The following SLC26A6 variants were observed in gnomAD, a reference collection of about 807,000 sequenced individuals.
The protein encoded by SLC26A6 is solute carrier family 26 member 6, also known as anion exchange transporter.
A neutral mutation model predicts 87.1 loss-of-function variants in SLC26A6; 67 were observed. The ratio of observed to expected loss-of-function variants is 0.77; its 90% confidence interval spans 0.63 to 0.94. The LOEUF is 0.94. SLC26A6 is among the 40% of genes least tolerant of loss of function. The pLI, the probability that SLC26A6 is intolerant of heterozygous loss-of-function variation, is 0.00. For synonymous variants in SLC26A6, 414 were observed against 405.9 expected (o/e 1.02, Z -0.24); for missense variants, 902 against 973.0 (o/e 0.93, Z 0.97).
At chr3:48,629,497 TA>T in intron 14 of SLC26A6, 144 bp downstream of exon 14, 1 of 859,778 alleles carries the variant, frequency 1.2e-6, no homozygotes, top group Non-Finnish European at 1.8e-6. Context: ...GTCATAGACC[TA>T]AACTCCTCCC....
At chr3:48,635,287 G>C (rs2046924901) in intron 1 of SLC26A6, 84 bp downstream of exon 1, 8 of 1,245,326 alleles carry the variant, frequency 6.4e-6, no homozygotes, top group Non-Finnish European at 8.6e-6. Context: ...GAGAATGCCT[G>C]CTCCAGCGAG....
chr3:48,631,524 C>A (rs1309641319), intron 7 of SLC26A6, 125 bp downstream of exon 7: 2 of 1,317,172 alleles, frequency 1.5e-6, no homozygotes. Context: ...CTGTGCCCCC[C>A]ACAATACCCA....
chr3:48,626,737 G>T, intron 18 of SLC26A6, 52 bp from the exon 19 acceptor site: 5 of 1,612,870 alleles, frequency 3.1e-6, no homozygotes, highest in Non-Finnish European at 3.4e-6. Context: ...GACTCAGAGG[G>T]GGGCTCGGGC....
Position 48,635,434 on chromosome 3 carries a change from A to T in SLC26A6, c.-41T>A, listed in dbSNP as rs2046930572. 6.4e-7 allele frequency: 1 copy of T among 1,562,452 alleles called. No individual in the cohort carries two copies. Among genetic ancestry groups the T allele is most frequent in the Non-Finnish European group, 8.7e-7 (1 of 1,155,406 alleles). ...CGGTGCGGGCTGCTCCTGCTGCTCG[A>T]GCTAGAGGCCGCTACGCTCCGGAAG... On this transcript the variant is annotated 5_prime_UTR_variant, in exon 1 of 21. Coordinates refer to ENST00000395550, the MANE Select transcript of SLC26A6 (RefSeq NM_022911.3).
chr3:48,630,936 CG>C (rs2046770248), intron 9 of SLC26A6, 56 bp downstream of exon 9: 6 of 1,597,430 alleles, frequency 3.8e-6, no homozygotes, highest in Non-Finnish European at 4.3e-6. Context: ...CTCCCCCACC[CG>C]TTGCTGGCGC....
intron 20 of SLC26A6, 63 bp downstream of exon 20, chr3:48,626,155 G>T: frequency 6.2e-7 from 1 of 1,612,032 alleles, no homozygotes. Context: ...TGGAGCTGGG[G>T]CCAGGGTGGG....
intron 19 of SLC26A6, 52 bp from the exon 20 acceptor site, chr3:48,626,406 A>G (rs748273110): frequency 5.0e-6 from 8 of 1,611,230 alleles, no homozygotes; most frequent in African/African-American, 1.3e-5. Context: ...TAGGAACTCA[A>G]CTCCCGGGAG....
Position 48,628,372 on chromosome 3 carries a change from G to T in SLC26A6, c.1800+62C>A. 3 of 1,602,048 alleles carry T rather than the reference G, an allele frequency of 1.9e-6. No individual in the cohort carries two copies. The highest frequency in any genetic ancestry group is 2.6e-6 in the Non-Finnish European group (3 of 1,173,548). ...ACGAGGGAGGAGTCGGGGGCCAGGA[G>T]AAAGGCTGGGGCAGGGAACAGGGGG... On this transcript the variant is annotated intron_variant, in intron 16 of 20. Transcript: ENST00000395550. The surrounding 1 kb of genome is among the most constrained non-coding windows in gnomAD (Gnocchi z 4.4).
chr3:48,629,615 C>A, intron 14 of SLC26A6, 27 bp downstream of exon 14: 1 of 1,586,774 alleles, frequency 6.3e-7, no homozygotes, highest in Non-Finnish European at 8.6e-7. Context: ...CCCATCCACA[C>A]CATCTCACTC....
Position 48,629,707 on chromosome 3 carries a change from G to A in SLC26A6, c.1534C>T (p.His512Tyr), listed in dbSNP as rs752068711. The A allele has an allele frequency of 1.9e-6, 3 of 1,613,480 alleles. No individual in the cohort carries two copies. In the Admixed American group the frequency reaches 5.0e-5, roughly 27 times the overall value. ...LLVVVRTQMP[H>Y]YSVLGQVPDT... ...GGCACCTGCCCCAGGACAGAGTAGT[G>A]GGGCCTGTGAAGGAGAGAGAGAATG... The change falls in exon 14 of 21, where the codon CAC (histidine) becomes TAC (tyrosine). Residue 512 changes from histidine (H) to tyrosine (Y), a missense_variant. Around this residue, in one of 3 missense-constraint regions of SLC26A6, gnomAD observed 800 missense variants for 856.8 expected, o/e 0.93. Coordinates refer to ENST00000395550, the MANE Select transcript of SLC26A6 (RefSeq NM_022911.3).
chr3:48,627,424 C>T, intron 17 of SLC26A6: 1 of 240,742 alleles, frequency 4.2e-6, no homozygotes, highest in Non-Finnish European at 8.0e-6. Context: ...CGGCACCCTG[C>T]CCTGTCTCAG....
In SLC26A6 at chr3:48,631,269, A is replaced by T; in HGVS notation, c.941T>A (p.Leu314Gln). Residue 314 changes from leucine to glutamine, a missense_variant, in exon 8 of 21, where the codon CTA (leucine) becomes CAA (glutamine). This residue lies in a region of SLC26A6 where 800 missense variants were observed against 856.8 expected (regional missense o/e 0.93). Transcript: ENST00000395550. ...GATGISYGMG[L>Q]KHRFEVDVVG... The stretch of plus-strand genomic sequence containing the variant: ...GACATCTACCTCAAATCTGTGCTTT[A>T]GACCCATGCCATAGGAGATGCCTGT... 1 of 1,608,968 alleles carries T rather than the reference A, an allele frequency of 6.2e-7. No homozygotes were observed.
At chr3:48,629,171 C>T (rs143668597) in intron 14 of SLC26A6, among the ~76,000 whole-genome samples, 7 of 152,308 alleles carry the variant, frequency 4.6e-5, no homozygotes, top group Non-Finnish European at 7.4e-5. Context: ...TTCCTCCCCG[C>T]ACTGCCTAAT....
At chr3:48,632,601 G>T (rs1261446950) in intron 4 of SLC26A6, 2 of 744,840 alleles carry the variant, frequency 2.7e-6, no homozygotes, top group Non-Finnish European at 4.7e-6. Context: ...AGCATGGCTA[G>T]AAATGCTGGC....
At chr3:48,626,133 G>C in intron 20 of SLC26A6, 85 bp downstream of exon 20, 1 of 1,610,890 alleles carries the variant, frequency 6.2e-7, no homozygotes, top group South Asian at 1.1e-5. Context: ...ATGGCCACCA[G>C]GAAAGACTCC....
At position 48,629,688 on chromosome 3, in the gene SLC26A6, TGCCCCAGGACAGAGTAGTGGG is replaced by T; in HGVS notation, c.1532_1552del (p.Pro511_Gly517del). The T allele has an allele frequency of 6.2e-7, 1 of 1,613,478 alleles. No homozygotes were observed. ...TCTGTAAATATCCGTGTCTGGCACC[TGCCCCAGGACAGAGTAGTGGG>T]GCCTGTGAAGGAGAGAGAGAATGCA... On this transcript the variant is annotated inframe_deletion and splice_region_variant, in exon 14 of 21. Coordinates refer to ENST00000395550, the MANE Select transcript of SLC26A6 (RefSeq NM_022911.3).
At chr3:48,630,865 C>T in intron 9 of SLC26A6, 128 bp downstream of exon 9, 1 of 1,526,646 alleles carries the variant, frequency 6.6e-7, no homozygotes, top group Non-Finnish European at 9.0e-7. Context: ...TCCTGCTCTC[C>T]CACCCTCAGT....
At chr3:48,632,513 T>C in intron 4 of SLC26A6, 117 bp from the exon 5 acceptor site, 6 of 1,398,682 alleles carry the variant, frequency 4.3e-6, no homozygotes, top group Non-Finnish European at 4.9e-6. Context: ...ACTCAGATTA[T>C]GGCTGCATGA....
rs1327794801 is a variant in SLC26A6, at chr3:48,632,242, C to T, written c.585+3G>A. ...GGGGCACATACTCCTGACTGTTCCA[C>T]ACCTGGAAGAGGCCAACCAGGACAC... On this transcript the variant is annotated splice_donor_region_variant and intron_variant, in intron 5 of 20. Transcript: ENST00000395550. 12 of 1,593,704 alleles carry T rather than the reference C, an allele frequency of 7.5e-6. No homozygotes were observed. Among genetic ancestry groups the T allele is most frequent in the Non-Finnish European group, 9.4e-6 (11 of 1,169,728 alleles).
Sources: gnomAD v4.1 joint callset for allele counts (sites outside exome capture counted in the v4.1 genomes callset) on GRCh38, gnomAD v4.1.1 for gene constraint, gnomAD v4.1.1 regional missense constraint, Gnocchi (gnomAD v3.1) non-coding constraint, MANE v1.5 for transcripts, NCBI Gene and HGNC (gene_info 2026-07-23, HGNC 2026-07-21) for gene names.